FARS2: variants seen among roughly 807,000 people sequenced by gnomAD.
FARS2 encodes the protein phenylalanine--tRNA ligase, mitochondrial.
Under a neutral mutation model 46.4 loss-of-function variants are expected in FARS2, and 40 were observed. That is an observed-to-expected ratio of 0.86 (90% CI 0.67 to 1.12). The LOEUF is 1.12. Among genes scored for constraint, FARS2 ranks in the 50% most tolerant of loss-of-function variants. The pLI is 0.00. For missense variants in FARS2, 513 were observed against 567.9 expected, an observed-to-expected ratio of 0.90 and a Z score of 0.98; for synonymous variants, 234 against 214.9, an observed-to-expected ratio of 1.09 and a Z score of -0.78.
At chr6:5,680,811 T>C (rs1281056148) in intron 6 of FARS2, among the ~76,000 whole-genome samples, 1 of 152,036 alleles carries the variant, frequency 6.6e-6, no homozygotes, top group Non-Finnish European at 1.5e-5. Flanking sequence ...AAATTTGTTC[T>C]AATAGAAAAA....
chr6:5,592,330 G>T (rs1325298399), intron 5 of FARS2, among the ~76,000 whole-genome samples: 2 of 151,726 alleles, frequency 1.3e-5, no homozygotes, highest in African/African-American at 4.8e-5. Context: ...AGGCTACAGT[G>T]AGCCGTGATC....
rs545847338 is a variant in FARS2, at chr6:5,711,396, C to T, written c.1218-59895C>T. 1.8e-3 allele frequency among the ~76,000 whole-genome samples: 280 copies of T among 152,292 alleles called. 2 individuals carry two copies. The highest frequency in any genetic ancestry group is 1.9e-3 in the Non-Finnish European group (126 of 68,024). ...CAACAAGGTGGAACATAACTCCCCACGCTTTAGTGTGGGCTGTACATAAAG... is the reference window on the plus strand; with the variant it reads ...CAACAAGGTGGAACATAACTCCCCATGCTTTAGTGTGGGCTGTACATAAAG... On this transcript the variant is annotated intron_variant, in intron 6 of 6. Coordinates refer to ENST00000274680, the MANE Select transcript of FARS2 (RefSeq NM_006567.5).
At chr6:5,709,749 C>T (rs529071811) in intron 6 of FARS2, among the ~76,000 whole-genome samples, 2 of 149,046 alleles carry the variant, frequency 1.3e-5, no homozygotes, top group Admixed American at 1.3e-4. Context: ...TGTGTGTGCG[C>T]GCGCGCGTGT....
intron 1 of FARS2, among the ~76,000 whole-genome samples, chr6:5,282,770 G>T (rs556584845): frequency 6.6e-6 from 1 of 152,180 alleles, no homozygotes; most frequent in Non-Finnish European, 1.5e-5. Flanking sequence ...GTGGTTAAAG[G>T]CTGTTTTAAT....
intron 4 of FARS2, among the ~76,000 whole-genome samples, chr6:5,481,752 T>C (rs1179698904): frequency 6.6e-6 from 1 of 152,046 alleles, no homozygotes; most frequent in Non-Finnish European, 1.5e-5. Flanking sequence ...ATTTGGGGTG[T>C]CAGCATGCAT....
At chr6:5,660,193 A>G (rs894270399) in intron 6 of FARS2, among the ~76,000 whole-genome samples, 5 of 152,172 alleles carry the variant, frequency 3.3e-5, no homozygotes, top group Non-Finnish European at 7.3e-5. Context: ...TCCACTGTTT[A>G]CTAAGCCAGT....
upstream of FARS2, chr6:5,260,900 G>A (rs1034892894): frequency 2.9e-6 from 4 of 1,396,368 alleles, no homozygotes; most frequent in Non-Finnish European, 2.8e-6. Flanking sequence ...GCGGATCGCG[G>A]ACGGCGCCAG....
At chr6:5,504,798 T>C (rs373733798) in intron 4 of FARS2, among the ~76,000 whole-genome samples, 1 of 152,328 alleles carries the variant, frequency 6.6e-6, no homozygotes, top group East Asian at 1.9e-4. Context: ...ATAAAGTTTT[T>C]ATATTTTGCC....
chr6:5,316,458 AAATC>A (rs1422662360), intron 1 of FARS2, among the ~76,000 whole-genome samples: 1 of 152,208 alleles, frequency 6.6e-6, no homozygotes, highest in Non-Finnish European at 1.5e-5. Context: ...AGCAAAGTGA[AAATC>A]AATGACTCTT....
the FARS2 span, among the ~76,000 whole-genome samples, chr6:5,254,274 A>G: frequency 6.6e-6 from 1 of 152,166 alleles, no homozygotes; most frequent in Admixed American, 6.5e-5. Flanking sequence ...CTCGCTAACC[A>G]ACTTCCACTT....
chr6:5,686,815 C>T (rs1455436396), intron 6 of FARS2, among the ~76,000 whole-genome samples: 1 of 152,368 alleles, frequency 6.6e-6, no homozygotes, highest in African/African-American at 2.4e-5. Context: ...TACAGTCCCA[C>T]CAATAGTGTG....
chr6:5,677,250 A>G (rs1347488341), intron 6 of FARS2, among the ~76,000 whole-genome samples: 3 of 152,214 alleles, frequency 2.0e-5, no homozygotes, highest in Non-Finnish European at 2.9e-5. Context: ...CAAAGCAACC[A>G]TAATTAAAAA....
chr6:5,438,332 T>C (rs1298234858), intron 4 of FARS2, among the ~76,000 whole-genome samples: 1 of 147,208 alleles, frequency 6.8e-6, no homozygotes, highest in Non-Finnish European at 1.5e-5. Context: ...ATGATAGATC[T>C]TTTGATTTTG....
chr6:5,664,360 G>T (rs1031044254), intron 6 of FARS2, among the ~76,000 whole-genome samples: 1 of 152,170 alleles, frequency 6.6e-6, no homozygotes, highest in East Asian at 1.9e-4. Context: ...GTTACACCGA[G>T]GGTCCTGCCA....
At chr6:5,651,224 G>A (rs937835878) in intron 6 of FARS2, among the ~76,000 whole-genome samples, 5 of 152,114 alleles carry the variant, frequency 3.3e-5, no homozygotes, top group Non-Finnish European at 5.9e-5. Context: ...AGTTGGCAGG[G>A]GAACAATCAA....
chr6:5,297,210 C>T (rs1366086685), intron 1 of FARS2, among the ~76,000 whole-genome samples: 1 of 152,182 alleles, frequency 6.6e-6, no homozygotes, highest in African/African-American at 2.4e-5. Context: ...CTGTGACATA[C>T]AGGTAAGGTG....
At chr6:5,347,990 G>A (rs1757343384) in intron 1 of FARS2, among the ~76,000 whole-genome samples, 2 of 152,122 alleles carry the variant, frequency 1.3e-5, no homozygotes, top group Non-Finnish European at 2.9e-5. Context: ...CTCTGGTGAA[G>A]TGTTTGTTCA....
chr6:5,362,673 GT>G (rs1758379484), intron 1 of FARS2, among the ~76,000 whole-genome samples: 1 of 152,042 alleles, frequency 6.6e-6, no homozygotes, highest in Admixed American at 6.5e-5. Context: ...TCCCATAATG[GT>G]TATACTCCTC....
intron 2 of FARS2, among the ~76,000 whole-genome samples, chr6:5,393,208 G>A (rs1446158316): frequency 6.6e-6 from 1 of 151,980 alleles, no homozygotes; most frequent in Non-Finnish European, 1.5e-5. Context: ...TAATGCACAG[G>A]TAGACTCTCA....
Sources: gnomAD v4.1 joint callset for allele counts (sites outside exome capture counted in the v4.1 genomes callset) on GRCh38, gnomAD v4.1.1 for gene constraint, MANE v1.5 for transcripts, NCBI Gene and HGNC (gene_info 2026-07-23, HGNC 2026-07-21) for gene names.